The following EYS variants were observed in gnomAD, a reference collection of about 807,000 sequenced individuals.
The protein encoded by EYS is EGF-like photoreceptor maintenance factor, also known as protein eyes shut homolog.
A neutral mutation model predicts 282.1 loss-of-function variants in EYS; 250 were observed. That is an observed-to-expected ratio of 0.89 (90% CI 0.80 to 0.98). The LOEUF (loss-of-function observed/expected upper bound fraction) is 0.98. Ranked by LOEUF, EYS falls within the 50% of genes least tolerant of loss-of-function variation. The pLI, the probability that EYS is intolerant of heterozygous loss-of-function variation, is 0.00. For missense variants in EYS, 4,016 were observed against 3,709.0 expected, an observed-to-expected ratio of 1.08 and a Z score of -2.15; for synonymous variants, 1,355 against 1,282.9, an observed-to-expected ratio of 1.06 and a Z score of -1.20.
intron 33 of EYS, among the ~76,000 whole-genome samples, chr6:64,052,634 T>G (rs1770844226): frequency 6.6e-6 from 1 of 152,164 alleles, no homozygotes; most frequent in South Asian, 2.1e-4. Flanking sequence ...TTGATATGGT[T>G]TGGCTCTGTG....
At chr6:64,246,018 C>CAAAAAAAAAAAAAAA (rs60121734) in intron 30 of EYS, among the ~76,000 whole-genome samples, 10 of 56,214 alleles carry the variant, frequency 1.8e-4, no homozygotes, top group East Asian at 1.5e-3. Context: ...AACTCCGTCT[C>CAAAAAAAAAAAAAAA]AAAAAAAAAA....
At chr6:64,692,977 C>CTGTTTTTTT (rs1770440754) in intron 22 of EYS, among the ~76,000 whole-genome samples, 1 of 11,494 alleles carries the variant, frequency 8.7e-5, no homozygotes, top group Non-Finnish European at 1.6e-4. Context: ...GCTGCTTGGG[C>CTGTTTTTTT]TTTTTTTTTT....
At chr6:64,920,063 G>C (rs1583294460) in intron 15 of EYS, among the ~76,000 whole-genome samples, 1 of 151,992 alleles carries the variant, frequency 6.6e-6, no homozygotes, top group Admixed American at 6.6e-5. Flanking sequence ...GCCATATAGT[G>C]AGATTAGTTT....
rs543392063 is a variant in EYS at position 64,711,772 on chromosome 6, C to T, written c.3444-85527G>A. Among the ~76,000 whole-genome samples the T allele has an allele frequency of 2.0e-5, 3 of 152,286 alleles. No homozygotes were observed. In the East Asian group the frequency reaches 5.8e-4, roughly 29 times the overall value. ...ATTCCTCAGAACCTTTTCAGACTTG[C>T]GCCCCTCCGAAGTCAGGTTGTCTCT... On this transcript the variant is annotated intron_variant, in intron 22 of 42. Coordinates refer to ENST00000503581, the MANE Select transcript of EYS (RefSeq NM_001142800.2).
chr6:65,500,260 C>T (rs749016616), intron 2 of EYS, among the ~76,000 whole-genome samples: 7 of 151,834 alleles, frequency 4.6e-5, no homozygotes, highest in Non-Finnish European at 8.8e-5. Flanking sequence ...TTAAACAAAG[C>T]GGCTGAGGCA....
intron 23 of EYS, among the ~76,000 whole-genome samples, chr6:64,619,434 C>T (rs1767376453): frequency 6.6e-6 from 1 of 151,798 alleles, no homozygotes. Flanking sequence ...TACTCAACCC[C>T]ACTAAAATAA....
At chr6:65,071,177 C>T (rs941263922) in intron 12 of EYS, among the ~76,000 whole-genome samples, 1 of 151,292 alleles carries the variant, frequency 6.6e-6, no homozygotes, top group African/African-American at 2.4e-5. Context: ...AAGTAGTTAT[C>T]ACTAACTTAA....
chr6:64,784,515 G>A (rs990269376), intron 22 of EYS, among the ~76,000 whole-genome samples: 8 of 152,098 alleles, frequency 5.3e-5, no homozygotes, highest in Non-Finnish European at 1.0e-4. Context: ...ATTTCTGAGG[G>A]CAGGATTTTT....
At chr6:64,014,203 C>T (rs1768777330) in intron 33 of EYS, among the ~76,000 whole-genome samples, 1 of 151,460 alleles carries the variant, frequency 6.6e-6, no homozygotes, top group African/African-American at 2.4e-5. Context: ...ATCACTTTAC[C>T]AAAATTTAAA....
chr6:65,323,398 T>G (rs1431503372), intron 11 of EYS, among the ~76,000 whole-genome samples: 2 of 151,852 alleles, frequency 1.3e-5, no homozygotes, highest in African/African-American at 4.8e-5. Flanking sequence ...TAAATAATCT[T>G]GCTATACACA....
At chr6:64,275,484 C>G (rs1422219046) in intron 30 of EYS, among the ~76,000 whole-genome samples, 2 of 142,204 alleles carry the variant, frequency 1.4e-5, no homozygotes, top group Non-Finnish European at 3.0e-5. Context: ...GAGTCTCGCT[C>G]TGTCACCCAG....
intron 12 of EYS, among the ~76,000 whole-genome samples, chr6:65,116,380 G>C (rs150551896): frequency 6.6e-6 from 1 of 152,252 alleles, no homozygotes; most frequent in Non-Finnish European, 1.5e-5. Context: ...ATGATTCATG[G>C]AGGGTGAATT....
intron 26 of EYS, among the ~76,000 whole-genome samples, chr6:64,569,044 A>AAAAC (rs1562066836): frequency 6.7e-6 from 1 of 149,236 alleles, no homozygotes; most frequent in African/African-American, 2.5e-5. Context: ...AAAAAAAAAA[A>AAAAC]CAGCAAAAAA....
At chr6:63,982,366 TG>T (rs1232374528) in intron 35 of EYS, among the ~76,000 whole-genome samples, 1 of 151,776 alleles carries the variant, frequency 6.6e-6, no homozygotes, top group African/African-American at 2.4e-5. Context: ...TGGGATAGGT[TG>T]GGGGTCTCAT....
chr6:65,260,191 C>T (rs151305903), intron 12 of EYS, among the ~76,000 whole-genome samples: 3 of 151,960 alleles, frequency 2.0e-5, no homozygotes, highest in South Asian at 4.1e-4. Flanking sequence ...CATCACATCT[C>T]GTGAGAACTC....
At chr6:65,190,585 G>A (rs1765619297) in intron 12 of EYS, among the ~76,000 whole-genome samples, 1 of 151,460 alleles carries the variant, frequency 6.6e-6, no homozygotes, top group South Asian at 2.1e-4. Flanking sequence ...TTATATTTGT[G>A]ATAAATTCAT....
chr6:65,393,132 T>C (rs1582232764), intron 7 of EYS, among the ~76,000 whole-genome samples: 1 of 130,618 alleles, frequency 7.7e-6, no homozygotes, highest in Non-Finnish European at 1.6e-5. Flanking sequence ...TGAGAACACA[T>C]GGACACAGGA....
intron 26 of EYS, among the ~76,000 whole-genome samples, chr6:64,474,025 C>T (rs924334284): frequency 6.6e-6 from 1 of 152,076 alleles, no homozygotes; most frequent in African/African-American, 2.4e-5. Context: ...TCTTATATCC[C>T]CATTTTTGTC....
intron 12 of EYS, among the ~76,000 whole-genome samples, chr6:65,196,947 C>T (rs529457281): frequency 2.6e-5 from 4 of 152,002 alleles, no homozygotes; most frequent in Non-Finnish European, 5.9e-5. Context: ...GGGGTGCCAG[C>T]AGTGAGTTAG....
Sources: gnomAD v4.1 joint callset for allele counts (sites outside exome capture counted in the v4.1 genomes callset) on GRCh38, gnomAD v4.1.1 for gene constraint, MANE v1.5 for transcripts, NCBI Gene and HGNC (gene_info 2026-07-23, HGNC 2026-07-21) for gene names.